Variants in SDHB observed in about 807,000 individuals in gnomAD.
SDHB encodes succinate dehydrogenase complex iron sulfur subunit B.
In SDHB, 21 loss-of-function variants were observed where a neutral mutation model predicts 39.7. The ratio of observed to expected loss-of-function variants is 0.53; its 90% CI spans 0.37 to 0.76. The LOEUF is 0.76. Among genes scored for constraint, SDHB ranks in the 30% least tolerant of loss-of-function variants. SDHB has a pLI of 0.00. For missense variants in SDHB, 343 were observed against 350.9 expected, an observed-to-expected ratio of 0.98 and a Z score of 0.18; for synonymous variants, 118 against 117.0, an observed-to-expected ratio of 1.01 and a Z score of -0.06.
rs151187912 is a variant in SDHB, at chr1:17,047,997, G to A, written c.73-3109C>T. ...CCAGGGCCCACATACTCTTTACCCA[G>A]TCTCCCCAACAGGAACATCTTGCAA... On this transcript the variant is annotated intron_variant, in intron 1 of 7. Transcript: ENST00000375499. 1.4e-4 allele frequency among the ~76,000 whole-genome samples: 22 copies of A among 152,166 alleles called. No individual in the cohort carries two copies. In the East Asian group the frequency reaches 4.1e-3, roughly 28 times the overall value.
chr1:17,027,668 T>G, intron 5 of SDHB, 81 bp downstream of exon 5: 1 of 895,464 alleles, frequency 1.1e-6, no homozygotes, highest in Non-Finnish European at 1.9e-6. Flanking sequence ...CATCAGCTTA[T>G]GTTCCCTGCC....
chr1:17,053,813 T>C (rs2078161958), intron 1 of SDHB, 135 bp downstream of exon 1: 3 of 657,640 alleles, frequency 4.6e-6, no homozygotes, highest in Admixed American at 2.1e-5. Context: ...ACCAAAGCAC[T>C]GCACCAGGGG....
At chr1:17,023,292 G>A (rs1379713593) in intron 6 of SDHB, 3 of 190,622 alleles carry the variant, frequency 1.6e-5, no homozygotes, top group East Asian at 2.5e-4. Context: ...TCCCCAACTC[G>A]GAGCAGCTGG....
At chr1:17,031,324 A>C (rs1381811767) in intron 3 of SDHB, among the ~76,000 whole-genome samples, 1 of 152,220 alleles carries the variant, frequency 6.6e-6, no homozygotes, top group Non-Finnish European at 1.5e-5. Flanking sequence ...TCTCTCAAAA[A>C]GGCTCCCTGG....
intron 3 of SDHB, among the ~76,000 whole-genome samples, chr1:17,031,131 C>T (rs919585378): frequency 6.6e-6 from 1 of 151,946 alleles, no homozygotes; most frequent in African/African-American, 2.4e-5. Flanking sequence ...TAAGACTCTC[C>T]TTCTCCTGTA....
chr1:17,051,152 G>A (rs2078144767), intron 1 of SDHB, among the ~76,000 whole-genome samples: 1 of 152,212 alleles, frequency 6.6e-6, no homozygotes, highest in Non-Finnish European at 1.5e-5. Flanking sequence ...ATCATACAAT[G>A]AGACTATATG....
rs747131231 is a variant in SDHB at position 17,033,053 on chromosome 1, T to C, written c.286+7A>G. On this transcript the variant is annotated splice_region_variant and intron_variant, in intron 3 of 7. Transcript: ENST00000375499. ...TATCTGGAGCCCAACAGGAATGAAATGCTCACCTTCTCTGCATGATCTTCG... is the reference window on the plus strand; with the variant it reads ...TATCTGGAGCCCAACAGGAATGAAACGCTCACCTTCTCTGCATGATCTTCG... 4 of 1,609,510 alleles carry C rather than the reference T, an allele frequency of 2.5e-6. No individual in the cohort carries two copies. The highest frequency in any genetic ancestry group is 2.2e-5 in the East Asian group (1 of 44,864).
At position 17,021,406 on chromosome 1, in the gene SDHB, C is replaced by T. The variant is rs575425577; in HGVS notation, c.765+1202G>A. ...GCAGTGAGCTATGATTGCGCCACTG[C>T]ACCCCAGCCTGGGCAACACAGTGAG... On this transcript the variant is annotated intron_variant, in intron 7 of 7. Coordinates refer to ENST00000375499, the MANE Select transcript of SDHB (RefSeq NM_003000.3). Among the ~76,000 whole-genome samples the T allele has an allele frequency of 8.5e-5, 13 of 152,168 alleles. No individual in the cohort carries two copies. In the East Asian group the frequency reaches 2.5e-3, roughly 29 times the overall value.
chr1:17,027,423 G>A (rs1469071456), intron 5 of SDHB, among the ~76,000 whole-genome samples: 1 of 152,182 alleles, frequency 6.6e-6, no homozygotes, highest in African/African-American at 2.4e-5. Context: ...CCCAGTGAGG[G>A]AACAGTTCTG....
chr1:17,028,795 A>G (rs1290573913), intron 3 of SDHB, 59 bp from the exon 4 acceptor site: 3 of 1,597,654 alleles, frequency 1.9e-6, no homozygotes, highest in African/African-American at 2.7e-5. Context: ...TCCTGCCCCA[A>G]ATACTTTCTT....
chr1:17,042,958 T>TG (rs2078089516), intron 2 of SDHB, among the ~76,000 whole-genome samples: 1 of 115,058 alleles, frequency 8.7e-6, no homozygotes, highest in Admixed American at 9.0e-5. Flanking sequence ...TTATGAGTTT[T>TG]TTTTTTTTTT....
chr1:17,021,466 C>T (rs959557515), intron 7 of SDHB, among the ~76,000 whole-genome samples: 2 of 151,754 alleles, frequency 1.3e-5, no homozygotes, highest in African/African-American at 2.4e-5. Context: ...TGAGAGGGGC[C>T]GGTCGCGGTG....
chr1:17,053,706 C>T (rs114847365), intron 1 of SDHB, among the ~76,000 whole-genome samples: 2 of 151,780 alleles, frequency 1.3e-5, no homozygotes, highest in Non-Finnish European at 1.5e-5. Flanking sequence ...AACGTCCCCC[C>T]CCCCCGCACC....
chr1:17,039,529 G>C, intron 2 of SDHB, among the ~76,000 whole-genome samples: 1 of 152,050 alleles, frequency 6.6e-6, no homozygotes, highest in East Asian at 1.9e-4. Flanking sequence ...CTCAGGGAGG[G>C]AGGATTGCTT....
intron 2 of SDHB, among the ~76,000 whole-genome samples, chr1:17,036,414 G>C (rs1006739783): frequency 6.6e-6 from 1 of 151,922 alleles, no homozygotes; most frequent in Non-Finnish European, 1.5e-5. Context: ...AGGCTCAAGT[G>C]ATTCTCCCAC....
chr1:17,031,717 A>G (rs1490108810), intron 3 of SDHB, among the ~76,000 whole-genome samples: 1 of 152,376 alleles, frequency 6.6e-6, no homozygotes, highest in Admixed American at 6.5e-5. Flanking sequence ...GCCGGTATCA[A>G]TACTGGCTTT....
At chr1:17,053,303 C>T (rs754564642) in intron 1 of SDHB, among the ~76,000 whole-genome samples, 2 of 152,104 alleles carry the variant, frequency 1.3e-5, no homozygotes, top group African/African-American at 2.4e-5. Context: ...ATTATATGAC[C>T]TTTAGAGTCA....
rs2077978978 is a variant in SDHB at position 17,024,088 on chromosome 1, A to G, written c.541-14T>C. ...GTAGAGCCCGTCCTGTATGGGGAGAAAAGAGAGGCAGGAGCTTGTGACGGG... is the reference window on the plus strand; with the variant it reads ...GTAGAGCCCGTCCTGTATGGGGAGAGAAGAGAGGCAGGAGCTTGTGACGGG... On this transcript the variant is annotated splice_polypyrimidine_tract_variant and intron_variant, in intron 5 of 7. Coordinates refer to ENST00000375499, the MANE Select transcript of SDHB (RefSeq NM_003000.3). 1 of 1,585,746 alleles carries G rather than the reference A, an allele frequency of 6.3e-7. No individual in the cohort carries two copies. The highest frequency in any genetic ancestry group is 1.7e-5 in the Admixed American group (1 of 59,908).
At chr1:17,042,962 T>TTTTG (rs2078089665) in intron 2 of SDHB, among the ~76,000 whole-genome samples, 1 of 120,256 alleles carries the variant, frequency 8.3e-6, no homozygotes, top group Non-Finnish European at 1.8e-5. Flanking sequence ...GAGTTTTTTT[T>TTTTG]TTTTTTTTTT....
Sources: allele counts gnomAD v4.1 joint callset (sites outside exome capture counted in the v4.1 genomes callset), GRCh38; gene constraint gnomAD v4.1.1; transcripts MANE v1.5; gene names NCBI Gene and HGNC (gene_info 2026-07-23, HGNC 2026-07-21).